Variants in RHEB observed in about 807,000 individuals in gnomAD.
RHEB encodes Ras homolog, mTORC1 binding, also known as GTP-binding protein Rheb.
In RHEB, 2 loss-of-function variants were observed where a neutral mutation model predicts 28.8. The ratio of observed to expected loss-of-function variants is 0.07; its 90% CI spans 0.03 to 0.22. The LOEUF is 0.22. Ranked by LOEUF, RHEB falls within the 10% of genes least tolerant of loss-of-function variation. The pLI is 1.00. For synonymous variants in RHEB, 69 were observed against 77.3 expected, an observed-to-expected ratio of 0.89 and a Z score of 0.56; for missense variants, 76 against 219.9, an observed-to-expected ratio of 0.35 and a Z score of 4.14.
At position 151,510,101 on chromosome 7, in the gene RHEB, T is replaced by C. The variant is rs183067485; in HGVS notation, c.52+9359A>G. On this transcript the variant is annotated intron_variant, in intron 1 of 7. Transcript: ENST00000262187. ...AGACAAAACTGTTCTTGAAGGACAG[T>C]TGGCAAACACATGAGTCCCGACCTC... 3.7e-3 allele frequency among the ~76,000 whole-genome samples: 571 copies of C among 152,334 alleles called. 4 individuals are homozygous for C. The highest frequency in any genetic ancestry group is 5.1e-3 in the Admixed American group (78 of 15,312).
Position 151,468,370 on chromosome 7 carries a change from C to A in RHEB, c.463-1159G>T, listed in dbSNP as rs751839991. On this transcript the variant is annotated intron_variant, in intron 7 of 7. Transcript: ENST00000262187. The surrounding 1 kb of genome is among the most constrained non-coding windows in gnomAD (Gnocchi z 4.3). ...CCACCATGGCGCCACTGTACTTCAA[C>A]TCCCTTCCCTACCAACTGTCGCTGG... Among the ~76,000 whole-genome samples, 1 of 152,250 alleles carries A rather than the reference C, an allele frequency of 6.6e-6. No homozygotes were observed. The highest frequency in any genetic ancestry group is 1.5e-5 in the Non-Finnish European group (1 of 68,048).
intron 1 of RHEB, among the ~76,000 whole-genome samples, chr7:151,517,690 CAAAAAAA>C (rs554116118): frequency 1.3e-5 from 1 of 76,792 alleles, no homozygotes. Context: ...CTTCTGTAGC[CAAAAAAA>C]AAAAAAAAAA....
intron 1 of RHEB, among the ~76,000 whole-genome samples, chr7:151,512,597 C>T (rs1044327816): frequency 2.6e-5 from 4 of 152,190 alleles, no homozygotes; most frequent in African/African-American, 7.2e-5. Flanking sequence ...ATTCTAACCA[C>T]GCCAAGTTCT....
At chr7:151,500,909 G>A (rs1390441290) in intron 1 of RHEB, among the ~76,000 whole-genome samples, 2 of 152,062 alleles carry the variant, frequency 1.3e-5, no homozygotes, top group African/African-American at 4.8e-5. Context: ...ATTTGAGCCT[G>A]GGAGGTTGAG....
At chr7:151,483,104 T>G (rs1338573931) in intron 3 of RHEB, among the ~76,000 whole-genome samples, 1 of 152,186 alleles carries the variant, frequency 6.6e-6, no homozygotes, top group African/African-American at 2.4e-5. Context: ...AGGAGGCACA[T>G]GCTATAGCTC....
rs1802786748 is a variant in RHEB at position 151,502,275 on chromosome 7, G to C, written c.53-11261C>G. 6.8e-5 allele frequency: 45 copies of C among 663,618 alleles called. 2 individuals carry two copies. Among genetic ancestry groups the C allele is most frequent in the Non-Finnish European group, 7.9e-5 (29 of 368,378 alleles). The allele number at this position is 663,618 out of a possible 1,614,324, so 41.1% of individuals were successfully genotyped here. A position where few individuals can be genotyped will look rare whatever the true frequency, so the allele number is the denominator to read the frequency against. ...AGCTTGGAGGCAGCCTGCAGCAATG[G>C]CACTAGCATGATATCACTGATCATT... On this transcript the variant is annotated intron_variant, in intron 1 of 7. Coordinates refer to ENST00000262187, the MANE Select transcript of RHEB (RefSeq NM_005614.4).
chr7:151,503,431 G>GGA, intron 1 of RHEB: 1 of 1,191,202 alleles, frequency 8.4e-7, no homozygotes, highest in South Asian at 1.2e-5. Flanking sequence ...ATACCAAGGA[G>GGA]GAGACAATGA....
intron 7 of RHEB, 103 bp downstream of exon 7, chr7:151,470,468 T>A: frequency 1.5e-6 from 1 of 679,512 alleles, no homozygotes; most frequent in Non-Finnish European, 2.5e-6. Flanking sequence ...GGCCAGATGT[T>A]ACACAGGAGT....
chr7:151,479,501 T>G (rs1466195659), intron 3 of RHEB, among the ~76,000 whole-genome samples: 3 of 151,916 alleles, frequency 2.0e-5, no homozygotes, highest in African/African-American at 7.3e-5. Context: ...GCTAACACAG[T>G]GAAACCCCGT....
At chr7:151,510,309 G>GACTGCCTGCTCTGGAGCC (rs1802959455) in intron 1 of RHEB, among the ~76,000 whole-genome samples, 1 of 152,186 alleles carries the variant, frequency 6.6e-6, no homozygotes, top group African/African-American at 2.4e-5. Context: ...GCTGATTAAA[G>GACTGCCTGCTCTGGAGCC]ACTGCCTGCT....
intron 4 of RHEB, among the ~76,000 whole-genome samples, chr7:151,473,354 G>A (rs1802199621): frequency 6.6e-6 from 1 of 152,160 alleles, no homozygotes; most frequent in African/African-American, 2.4e-5. Context: ...ACGTGAACAC[G>A]CTGGGAAACA....
At chr7:151,486,626 T>C (rs1802480241) in intron 2 of RHEB, among the ~76,000 whole-genome samples, 1 of 152,178 alleles carries the variant, frequency 6.6e-6, no homozygotes, top group Non-Finnish European at 1.5e-5. Flanking sequence ...GGATTTTTAC[T>C]CTGAATGTGA....
At chr7:151,518,625 G>A (rs1272930425) in intron 1 of RHEB, among the ~76,000 whole-genome samples, 1 of 151,986 alleles carries the variant, frequency 6.6e-6, no homozygotes, top group Non-Finnish European at 1.5e-5. Context: ...CCCCCAACCC[G>A]ACCCTAAGCC....
At chr7:151,503,260 G>A (rs1584864323) in intron 1 of RHEB, 4 of 783,958 alleles carry the variant, frequency 5.1e-6, no homozygotes, top group African/African-American at 3.4e-5. Flanking sequence ...TGAGCTTATC[G>A]AGAGCATGCC....
intron 1 of RHEB, among the ~76,000 whole-genome samples, chr7:151,509,851 CGTT>C (rs1802952187): frequency 6.6e-6 from 1 of 152,188 alleles, no homozygotes; most frequent in Non-Finnish European, 1.5e-5. Flanking sequence ...CACACCCACT[CGTT>C]GATGTATTGT....
At chr7:151,502,591 ACAG>A in intron 1 of RHEB, 1 of 1,338,668 alleles carries the variant, frequency 7.5e-7, no homozygotes, top group Non-Finnish European at 1.1e-6. Context: ...AGGGGCTCTT[ACAG>A]CACTACTTTC....
At chr7:151,510,148 C>T (rs1802957092) in intron 1 of RHEB, among the ~76,000 whole-genome samples, 1 of 152,220 alleles carries the variant, frequency 6.6e-6, no homozygotes, top group Non-Finnish European at 1.5e-5. Context: ...ACACCTCACC[C>T]TTCTCATTCA....
intron 3 of RHEB, among the ~76,000 whole-genome samples, chr7:151,479,669 C>T (rs1362197751): frequency 1.1e-4 from 15 of 130,516 alleles, no homozygotes; most frequent in Non-Finnish European, 1.9e-4. Flanking sequence ...GGCGATAGAG[C>T]GAGACTCCGT....
intron 1 of RHEB, among the ~76,000 whole-genome samples, chr7:151,515,068 C>CAAAAA (rs10711342): frequency 0.055 from 7,677 of 139,964 alleles, 669 homozygotes; most frequent in African/African-American, 0.2. Context: ...AAATAATAGC[C>CAAAAA]AAAAAAAAAA....
Sources: gnomAD v4.1 joint callset for allele counts (sites outside exome capture counted in the v4.1 genomes callset) on GRCh38, gnomAD v4.1.1 for gene constraint, Gnocchi (gnomAD v3.1) non-coding constraint, MANE v1.5 for transcripts, NCBI Gene and HGNC (gene_info 2026-07-23, HGNC 2026-07-21) for gene names.